The following CCNB3 variants were observed in gnomAD, a reference collection of about 807,000 sequenced individuals.
CCNB3 encodes the protein G2/mitotic-specific cyclin-B3.
CCNB3 carries 12 observed loss-of-function variants against 68.0 expected under a neutral mutation model. The ratio of observed to expected loss-of-function variants is 0.18; its 90% CI spans 0.11 to 0.29. The LOEUF (loss-of-function observed/expected upper bound fraction) is 0.29. Among genes scored for constraint, CCNB3 ranks in the 10% least tolerant of loss-of-function variants. CCNB3 has a pLI of 1.00. For synonymous variants in CCNB3, 354 were observed against 388.9 expected, an observed-to-expected ratio of 0.91 and a Z score of 1.06; for missense variants, 904 against 993.1, an observed-to-expected ratio of 0.91 and a Z score of 1.21.
intron 4 of CCNB3, among the ~76,000 whole-genome samples, chrX:50,290,190 A>G (rs1557209940): frequency 8.9e-6 from 1 of 111,967 alleles, no homozygotes; most frequent in Non-Finnish European, 1.9e-5. Context: ...TGTGCAAGGA[A>G]AGTGTCTAAG....
At chrX:50,227,891 TATAA>T (rs1935933007) in intron 1 of CCNB3, among the ~76,000 whole-genome samples, 2 of 83,916 alleles carry the variant, frequency 2.4e-5, no homozygotes, top group Non-Finnish European at 4.3e-5. Context: ...AGAGAAAATA[TATAA>T]ATATATAGAG....
chrX:50,279,830 T>G (rs1450764502), intron 1 of CCNB3, among the ~76,000 whole-genome samples: 1 of 87,735 alleles, frequency 1.1e-5, no homozygotes, highest in South Asian at 5.0e-4. Context: ...TTTATATAAA[T>G]ACATATACTT....
chrX:50,227,512 TA>T (rs1935899309), intron 1 of CCNB3, among the ~76,000 whole-genome samples: 1 of 74,978 alleles, frequency 1.3e-5, no homozygotes, highest in African/African-American at 4.9e-5. Flanking sequence ...AATATATGTA[TA>T]AATATATATG....
Position 50,308,865 on chromosome X carries a change from G to A in CCNB3, c.696G>A (p.Lys232=). The A allele has an allele frequency of 8.3e-7, 1 of 1,211,373 alleles. No homozygotes were observed. The highest frequency in any genetic ancestry group is 1.1e-6 in the Non-Finnish European group (1 of 895,442). The change falls in exon 6 of 13, where the codon AAG becomes AAA. Residue 232 remains lysine, a synonymous_variant. Coordinates refer to ENST00000376042, the MANE Select transcript of CCNB3 (RefSeq NM_033031.3). ...AAITKKTLSL[K]KKMCASQRKQ... ...TCACCAAGAAGACATTATCCTTAAA[G>A]AAGAAGATGTGTGCAAGTCAGCGGA... is the stretch of plus-strand genomic sequence containing the variant.
At chrX:50,312,796 A>G (rs782312385) in intron 7 of CCNB3, among the ~76,000 whole-genome samples, 164 bp downstream of exon 7, 47 of 111,740 alleles carry the variant, frequency 4.2e-4, no homozygotes, top group Non-Finnish European at 8.1e-4. Flanking sequence ...TTGTACTAAC[A>G]GATTTGTAGA....
rs1378685262 is a variant in CCNB3, at chrX:50,226,686, A to G, written c.-113+21736A>G. ...AAATATATATAGAACATATCTATAAATATATATAGAATATACATATGAATA... is the reference window on the plus strand; with the variant it reads ...AAATATATATAGAACATATCTATAAGTATATATAGAATATACATATGAATA... On this transcript the variant is annotated intron_variant, in intron 1 of 12. Transcript: ENST00000376042. 3.5e-3 allele frequency among the ~76,000 whole-genome samples: 268 copies of G among 77,119 alleles called. 2 individuals are homozygous for G. The highest frequency in any genetic ancestry group is 0.013 in the African/African-American group (254 of 19,497). 67.0% of individuals were successfully genotyped at this position (77,119 alleles called of 115,157 possible). A position where few individuals can be genotyped will look rare whatever the true frequency, so the allele number is the denominator to read the frequency against.
intron 1 of CCNB3, among the ~76,000 whole-genome samples, chrX:50,280,885 A>G (rs1166710674): frequency 4.5e-5 from 5 of 110,370 alleles, no homozygotes; most frequent in African/African-American, 1.3e-4. Flanking sequence ...TCAGCCTTCC[A>G]AGTGGCTGGG....
chrX:50,282,900 A>AG (rs1366203564), intron 1 of CCNB3, among the ~76,000 whole-genome samples: 1 of 111,095 alleles, frequency 9.0e-6, no homozygotes, highest in African/African-American at 3.3e-5. Context: ...AAAAAAAAAA[A>AG]TTATGAGGCG....
At chrX:50,286,950 A>G (rs1936252382) in intron 3 of CCNB3, among the ~76,000 whole-genome samples, 1 of 112,386 alleles carries the variant, frequency 8.9e-6, no homozygotes, top group Admixed American at 9.4e-5. Flanking sequence ...GTCGGGCTCC[A>G]GCTCTTTTAA....
Position 50,227,696 on chromosome X carries a change from T to TAGAGAGAATATATATATAAATATATAG in CCNB3, c.-113+22752_-113+22778dup, listed in dbSNP as rs1935914973. On this transcript the variant is annotated intron_variant, in intron 1 of 12. Transcript: ENST00000376042. ...GAGAGAATATATATATAAATATATATAGAGAGAATATATATATAAATATAT... is the reference window on the plus strand; with the variant it reads ...GAGAGAATATATATATAAATATATATAGAGAGAATATATATATAAATATATAGAGAGAGAATATATATATAAATATAT... 3.2e-5 allele frequency among the ~76,000 whole-genome samples: 3 copies of TAGAGAGAATATATATATAAATATATAG among 92,798 alleles called. 1 individual carries two copies. The highest frequency in any genetic ancestry group is 4.6e-4 in the South Asian group (1 of 2,181). The allele number at this position is 92,798 out of a possible 115,157, so 80.6% of individuals were successfully genotyped here. A position where few individuals can be genotyped will look rare whatever the true frequency, so the allele number is the denominator to read the frequency against.
At chrX:50,306,028 C>T (rs1415928183) in intron 5 of CCNB3, among the ~76,000 whole-genome samples, 1 of 104,531 alleles carries the variant, frequency 9.6e-6, no homozygotes, top group Non-Finnish European at 1.9e-5. Context: ...CTGAAGTGAT[C>T]TGCCTGCCTC....
intron 11 of CCNB3, among the ~76,000 whole-genome samples, chrX:50,350,447 C>G (rs1923617534): frequency 8.9e-6 from 1 of 111,834 alleles, no homozygotes; most frequent in Admixed American, 9.5e-5. Flanking sequence ...CACTGCTATA[C>G]CGCTTCTGCC....
At chrX:50,227,773 T>G (rs1249028483) in intron 1 of CCNB3, among the ~76,000 whole-genome samples, 925 of 49,371 alleles carry the variant, frequency 0.019, 16 homozygotes, top group African/African-American at 0.069. Context: ...TAAATATATA[T>G]AGAGAATATA....
At chrX:50,226,695 G>A (rs1198543134) in intron 1 of CCNB3, among the ~76,000 whole-genome samples, 1 of 67,677 alleles carries the variant, frequency 1.5e-5, no homozygotes, top group African/African-American at 6.5e-5. Flanking sequence ...AATATATATA[G>A]AATATACATA....
chrX:50,335,949 C>G (rs1922829408), intron 8 of CCNB3, among the ~76,000 whole-genome samples: 2 of 111,326 alleles, frequency 1.8e-5, no homozygotes, highest in Admixed American at 9.5e-5. Flanking sequence ...AGAAAGCCTG[C>G]TTAGTGGAAA....
chrX:50,280,180 TATAA>T (rs1214350061), intron 1 of CCNB3, among the ~76,000 whole-genome samples: 3 of 91,873 alleles, frequency 3.3e-5, no homozygotes, highest in East Asian at 3.3e-4. Flanking sequence ...AGAATATATA[TATAA>T]ATATATATAG....
chrX:50,312,107 A>G (rs782041414), intron 6 of CCNB3, among the ~76,000 whole-genome samples: 5 of 110,833 alleles, frequency 4.5e-5, no homozygotes, highest in African/African-American at 1.6e-4. Context: ...TTTAGCAAGC[A>G]GGAGGAGAAA....
chrX:50,224,061 G>GT (rs1416341161), intron 1 of CCNB3, among the ~76,000 whole-genome samples: 1 of 110,681 alleles, frequency 9.0e-6, no homozygotes, highest in African/African-American at 3.3e-5. Flanking sequence ...TTGTTGTTAG[G>GT]TTTTTTTTAA....
At chrX:50,298,666 TC>T (rs1557211660) in intron 5 of CCNB3, among the ~76,000 whole-genome samples, 1 of 111,619 alleles carries the variant, frequency 9.0e-6, no homozygotes, top group Non-Finnish European at 1.9e-5. Flanking sequence ...TAGGGAGGAT[TC>T]CCTCTTTTTC....
Sources: allele counts gnomAD v4.1 joint callset (sites outside exome capture counted in the v4.1 genomes callset), GRCh38; gene constraint gnomAD v4.1.1; transcripts MANE v1.5; gene names NCBI Gene and HGNC (gene_info 2026-07-23, HGNC 2026-07-21).